SESN3: variants seen among roughly 807,000 people sequenced by gnomAD.
SESN3 encodes the protein sestrin 3.
A neutral mutation model predicts 55.3 loss-of-function variants in SESN3; 21 were observed. The ratio of observed to expected loss-of-function variants is 0.38; its 90% CI spans 0.27 to 0.55. SESN3 has a LOEUF of 0.55. Among genes scored for constraint, SESN3 ranks in the 20% least tolerant of loss-of-function variants. SESN3 has a pLI of 0.76. For missense variants in SESN3, 408 were observed against 604.3 expected (o/e 0.68, Z 3.41); for synonymous variants, 181 against 203.1 (o/e 0.89, Z 0.93).
In SESN3 at chr11:95,226,208, T is replaced by G. The variant is rs183156397; in HGVS notation, c.78+4575A>C. ...TAGTCTGGGAAAATGGAAAAATATA[T>G]GGACTTGTCCTTTTCTTTCTTACAC... On this transcript the variant is annotated intron_variant, in intron 1 of 9. Coordinates refer to ENST00000536441, the MANE Select transcript of SESN3 (RefSeq NM_144665.4). Among the ~76,000 whole-genome samples, 47 of 152,336 alleles carry G rather than the reference T, an allele frequency of 3.1e-4. 1 individual carries two copies. Among genetic ancestry groups the G allele is most frequent in the African/African-American group, 1.1e-3 (47 of 41,584 alleles).
chr11:95,225,499 T>C (rs1323341596), intron 1 of SESN3, among the ~76,000 whole-genome samples: 1 of 152,184 alleles, frequency 6.6e-6, no homozygotes, highest in Non-Finnish European at 1.5e-5. Flanking sequence ...ATGGTGAAGC[T>C]GGGAGTAGGG....
chr11:95,178,854 T>C, intron 6 of SESN3, 26 bp from the exon 7 acceptor site: 1 of 1,314,076 alleles, frequency 7.6e-7, no homozygotes, highest in Non-Finnish European at 1.1e-6. Flanking sequence ...AACAATCTAG[T>C]GTTAAGGATA....
At chr11:95,221,515 A>G (rs1860859300) in intron 1 of SESN3, among the ~76,000 whole-genome samples, 1 of 152,252 alleles carries the variant, frequency 6.6e-6, no homozygotes, top group Non-Finnish European at 1.5e-5. Context: ...AGAAGAACAT[A>G]TCCTTCCACT....
rs114708324 is a variant in SESN3 at position 95,171,603 on chromosome 11, A to G, written c.*1652T>C. On this transcript the variant is annotated 3_prime_UTR_variant, in exon 10 of 10. Transcript: ENST00000536441. ...TTTCACAAAAGAAAAGTTAAATCTT[A>G]TATCACAAGTAAGTCTAAAATGAAA... 1.2e-3 allele frequency: 188 copies of G among 152,312 alleles called. 1 individual carries two copies. The highest frequency in any genetic ancestry group is 4.4e-3 in the African/African-American group (181 of 41,584). 9.4% of individuals were successfully genotyped at this position (152,312 alleles called of 1,614,324 possible).
intron 6 of SESN3, among the ~76,000 whole-genome samples, chr11:95,181,453 T>G (rs1860057277): frequency 6.6e-6 from 1 of 152,138 alleles, no homozygotes; most frequent in Non-Finnish European, 1.5e-5. Flanking sequence ...AGCATTCTGA[T>G]TATTAAATCT....
At chr11:95,199,990 C>T (rs757760673) in intron 1 of SESN3, among the ~76,000 whole-genome samples, 1 of 151,822 alleles carries the variant, frequency 6.6e-6, no homozygotes, top group Non-Finnish European at 1.5e-5. Context: ...TTTTTAAATA[C>T]ACTACAATGA....
chr11:95,210,448 TATG>T (rs1860633434), intron 1 of SESN3, among the ~76,000 whole-genome samples: 1 of 152,204 alleles, frequency 6.6e-6, no homozygotes, highest in Non-Finnish European at 1.5e-5. Context: ...GCCTGTAAGT[TATG>T]AAGCAGCAGA....
Position 95,167,857 on chromosome 11 carries a change from C to T in SESN3, c.*5398G>A, listed in dbSNP as rs1400839488. ...TAGCTGGAGAGAAGAACTATTACAT[C>T]TTCTTCCTCTTTGCATTTCCTCTTC... On this transcript the variant is annotated 3_prime_UTR_variant, in exon 10 of 10. Transcript: ENST00000536441. 6.6e-6 allele frequency: 1 copy of T among 152,172 alleles called. No individual in the cohort carries two copies. Among genetic ancestry groups the T allele is most frequent in the African/African-American group, 2.4e-5 (1 of 41,436 alleles). The allele number at this position is 152,172 out of a possible 1,614,324, so 9.4% of individuals were successfully genotyped here.
intron 2 of SESN3, 140 bp from the exon 3 acceptor site, chr11:95,191,741 G>A (rs1327189103): frequency 2.9e-5 from 18 of 628,382 alleles, no homozygotes; most frequent in Non-Finnish European, 4.6e-5. Context: ...TGCTCATACT[G>A]GAAACAGAAA....
intron 6 of SESN3, among the ~76,000 whole-genome samples, chr11:95,179,997 A>C (rs1189611227): frequency 1.3e-5 from 2 of 152,170 alleles, no homozygotes; most frequent in African/African-American, 4.8e-5. Context: ...TTTTTATTTT[A>C]GGTTGGTCTG....
At chr11:95,205,232 T>C (rs1860526949) in intron 1 of SESN3, among the ~76,000 whole-genome samples, 1 of 152,176 alleles carries the variant, frequency 6.6e-6, no homozygotes, top group Non-Finnish European at 1.5e-5. Context: ...ATCATGAATG[T>C]CAGAGTAAAG....
intron 1 of SESN3, among the ~76,000 whole-genome samples, chr11:95,210,625 C>G (rs1277765813): frequency 6.6e-6 from 1 of 152,102 alleles, no homozygotes; most frequent in Non-Finnish European, 1.5e-5. Context: ...TCAATTAAAA[C>G]AAATTTTCAT....
rs1859768344 is a variant in SESN3, at chr11:95,167,339, T to G, written c.*5916A>C. 6.6e-6 allele frequency: 1 copy of G among 152,184 alleles called. No homozygotes were observed. Among genetic ancestry groups the G allele is most frequent in the Non-Finnish European group, 1.5e-5 (1 of 68,028 alleles). The allele number at this position is 152,184 out of a possible 1,614,324, so 9.4% of individuals were successfully genotyped here. ...AAATTCTATTCATCTTATTTAGACT[T>G]ACTAATGTTTGATGTTGTCCTATGA... is the stretch of plus-strand genomic sequence containing the variant. On this transcript the variant is annotated 3_prime_UTR_variant, in exon 10 of 10. Coordinates refer to ENST00000536441, the MANE Select transcript of SESN3 (RefSeq NM_144665.4).
At chr11:95,214,656 G>C (rs979437844) in intron 1 of SESN3, among the ~76,000 whole-genome samples, 6 of 151,858 alleles carry the variant, frequency 4.0e-5, no homozygotes, top group African/African-American at 9.7e-5. Context: ...AGATTCAAAA[G>C]AATTTTTAAA....
intron 1 of SESN3, among the ~76,000 whole-genome samples, chr11:95,207,090 T>G (rs1373412733): frequency 6.6e-6 from 1 of 152,166 alleles, no homozygotes; most frequent in Non-Finnish European, 1.5e-5. Context: ...ACATTACTAC[T>G]TTTTAAGTAC....
At chr11:95,231,866 G>C (rs949858482), upstream of SESN3, 7 of 152,172 alleles carry the variant, frequency 4.6e-5, no homozygotes, top group Admixed American at 3.9e-4. Flanking sequence ...GGCGGATAGG[G>C]GATAAATGTC....
intron 9 of SESN3, 107 bp downstream of exon 9, chr11:95,175,391 G>A: frequency 9.8e-7 from 1 of 1,017,520 alleles, no homozygotes; most frequent in Non-Finnish European, 1.4e-6. Flanking sequence ...CCACTTCCAT[G>A]TCAATGGCTA....
intron 1 of SESN3, among the ~76,000 whole-genome samples, chr11:95,199,975 A>G (rs1860432054): frequency 6.6e-6 from 1 of 152,098 alleles, no homozygotes; most frequent in Non-Finnish European, 1.5e-5. Context: ...TGGTGCCAAC[A>G]TTCTTTTTTA....
At chr11:95,175,711 G>C in intron 8 of SESN3, 69 bp from the exon 9 acceptor site, 2 of 1,296,054 alleles carry the variant, frequency 1.5e-6, no homozygotes, top group Admixed American at 2.0e-5. Flanking sequence ...GTTATACTAA[G>C]GACATTTATT....
Sources: gnomAD v4.1 joint callset for allele counts (sites outside exome capture counted in the v4.1 genomes callset) on GRCh38, gnomAD v4.1.1 for gene constraint, MANE v1.5 for transcripts, NCBI Gene and HGNC (gene_info 2026-07-23, HGNC 2026-07-21) for gene names.